VPS13B: variants seen among roughly 807,000 people sequenced by gnomAD.
VPS13B encodes the protein intermembrane lipid transfer protein VPS13B.
A neutral mutation model predicts 426.4 loss-of-function variants in VPS13B; 285 were observed. That is an observed-to-expected ratio of 0.67 (90% CI 0.61 to 0.74). VPS13B has a LOEUF of 0.74. VPS13B is among the 30% of genes least tolerant of loss of function. The pLI is 0.00. For missense variants in VPS13B, 4,537 were observed against 4,782.6 expected (o/e 0.95, Z 1.51); for synonymous variants, 1,676 against 1,676.4 (o/e 1.00, Z 0.01).
At chr8:99,751,677 A>G (rs921247089) in intron 39 of VPS13B, among the ~76,000 whole-genome samples, 1 of 152,238 alleles carries the variant, frequency 6.6e-6, no homozygotes. Flanking sequence ...TTCTATATGT[A>G]TGTAATATAT....
chr8:99,753,333 G>A (rs1055808655), intron 39 of VPS13B, among the ~76,000 whole-genome samples: 28 of 152,276 alleles, frequency 1.8e-4, no homozygotes, highest in African/African-American at 5.5e-4. Context: ...AAACTAGTTA[G>A]CAAGTAAATG....
At chr8:99,818,959 T>C in intron 47 of VPS13B, 71 bp downstream of exon 47, 2 of 115,062 alleles carry the variant, frequency 1.7e-5, no homozygotes, top group East Asian at 3.1e-4. Context: ...AACCTTGCAC[T>C]GGGGGGCGGC....
Position 99,577,475 on chromosome 8 carries a change from C to T in VPS13B, c.5077-15C>T, listed in dbSNP as rs1432835454. ...ATCATGTTTCTTTATCTGTATTCTA[C>T]CGTTTTTGCTTCAGGAGATTTTAGT... is the stretch of plus-strand genomic sequence containing the variant. On this transcript the variant is annotated splice_polypyrimidine_tract_variant and intron_variant, in intron 32 of 61. Coordinates refer to ENST00000357162, the MANE Select transcript of VPS13B (RefSeq NM_152564.5). The T allele has an allele frequency of 2.5e-6, 4 of 1,613,340 alleles. No homozygotes were observed. Among genetic ancestry groups the T allele is most frequent in the South Asian group, 1.1e-5 (1 of 91,070 alleles).
chr8:99,240,645 T>G (rs902250370), intron 17 of VPS13B, among the ~76,000 whole-genome samples: 4 of 152,244 alleles, frequency 2.6e-5, no homozygotes. Context: ...TTTTACATTT[T>G]ACGCTTAATA....
At chr8:99,225,398 T>C (rs1563613360) in intron 17 of VPS13B, among the ~76,000 whole-genome samples, 1 of 152,154 alleles carries the variant, frequency 6.6e-6, no homozygotes, top group East Asian at 1.9e-4. Context: ...TGCCTCAGCC[T>C]CCCGAGTAGC....
At chr8:99,472,154 G>T (rs1169774468) in intron 24 of VPS13B, among the ~76,000 whole-genome samples, 1 of 152,008 alleles carries the variant, frequency 6.6e-6, no homozygotes. Context: ...TAGAATCGTA[G>T]TAGGAAATTT....
intron 24 of VPS13B, among the ~76,000 whole-genome samples, chr8:99,469,169 T>A (rs1388792361): frequency 1.5e-5 from 1 of 66,394 alleles, no homozygotes; most frequent in Non-Finnish European, 2.8e-5. Flanking sequence ...CTTTCTTTCC[T>A]TTTTTTTTTT....
At chr8:99,343,338 C>T (rs1193695862) in intron 19 of VPS13B, among the ~76,000 whole-genome samples, 4 of 152,142 alleles carry the variant, frequency 2.6e-5, no homozygotes, top group African/African-American at 9.7e-5. Flanking sequence ...ATGATCCACC[C>T]ACCTCGGCCT....
chr8:99,866,863 CCTGA>C lies in VPS13B; in HGVS notation c.11216-1422_11216-1419del, dbSNP rs1299538612. Among the ~76,000 whole-genome samples, 15 of 152,308 alleles carry C rather than the reference CCTGA, an allele frequency of 9.8e-5. No individual in the cohort carries two copies. In the South Asian group the frequency reaches 1.5e-3, roughly 15 times the overall value. Reference sequence around the variant, plus strand: ...GGGGTGCTCCCAGCTGAGCGCCAGGCCTGACTGTCTGTGGTACTAAAAGAGTGAC... The same window carrying C: ...GGGGTGCTCCCAGCTGAGCGCCAGGCCTGTCTGTGGTACTAAAAGAGTGAC... On this transcript the variant is annotated intron_variant, in intron 58 of 61. Coordinates refer to ENST00000357162, the MANE Select transcript of VPS13B (RefSeq NM_152564.5).
chr8:99,720,782 A>G (rs1833100677), intron 38 of VPS13B, 81 bp from the exon 39 acceptor site: 2 of 1,364,892 alleles, frequency 1.5e-6, no homozygotes, highest in South Asian at 1.3e-5. Context: ...TTTTATTCTC[A>G]TAATTTCTTC....
At chr8:99,782,455 A>C (rs990001390) in intron 42 of VPS13B, among the ~76,000 whole-genome samples, 1 of 152,040 alleles carries the variant, frequency 6.6e-6, no homozygotes, top group Admixed American at 6.6e-5. Flanking sequence ...AATCTTATGT[A>C]AGCGTAAAAT....
chr8:99,166,774 A>G (rs1399096056), intron 15 of VPS13B, among the ~76,000 whole-genome samples: 1 of 152,210 alleles, frequency 6.6e-6, no homozygotes, highest in African/African-American at 2.4e-5. Context: ...TTGAAAAAGA[A>G]CAAAGCTGAA....
intron 24 of VPS13B, among the ~76,000 whole-genome samples, chr8:99,470,724 A>C (rs963314977): frequency 3.3e-5 from 5 of 151,892 alleles, no homozygotes; most frequent in African/African-American, 4.8e-5. Flanking sequence ...GGGATAGAAA[A>C]AAAAAAAAGA....
chr8:99,429,585 C>G (rs1378283012), intron 21 of VPS13B: 2 of 152,172 alleles, frequency 1.3e-5, no homozygotes, highest in Non-Finnish European at 2.9e-5. Context: ...TTCTTCCAGT[C>G]TCTCAGTCCT....
At chr8:99,775,038 G>A (rs1183229268) in intron 40 of VPS13B, among the ~76,000 whole-genome samples, 1 of 152,116 alleles carries the variant, frequency 6.6e-6, no homozygotes, top group African/African-American at 2.4e-5. Context: ...TCACCAGCCT[G>A]TTTCACAACC....
intron 43 of VPS13B, among the ~76,000 whole-genome samples, chr8:99,789,472 A>G (rs991800534): frequency 6.6e-6 from 1 of 152,146 alleles, no homozygotes; most frequent in Admixed American, 6.5e-5. Context: ...TGGAGTTGCT[A>G]ATGGAATTGG....
intron 54 of VPS13B, 124 bp downstream of exon 54, chr8:99,835,862 C>A: frequency 4.2e-6 from 4 of 954,046 alleles, no homozygotes; most frequent in Non-Finnish European, 6.3e-6. Context: ...TGTGAGAGAA[C>A]ATGTGTATCC....
intron 24 of VPS13B, among the ~76,000 whole-genome samples, chr8:99,476,692 A>C (rs527920950): frequency 6.6e-6 from 1 of 152,320 alleles, no homozygotes; most frequent in Admixed American, 6.5e-5. Flanking sequence ...AATAAAAAAT[A>C]AAACGTTGCA....
chr8:99,676,535 C>T (rs755803304), intron 35 of VPS13B, among the ~76,000 whole-genome samples: 2 of 151,726 alleles, frequency 1.3e-5, no homozygotes, highest in South Asian at 4.2e-4. Flanking sequence ...TTCTAGTTCC[C>T]CCAAGCAGAC....
Sources: gnomAD v4.1 joint callset for allele counts (sites outside exome capture counted in the v4.1 genomes callset) on GRCh38, gnomAD v4.1.1 for gene constraint, MANE v1.5 for transcripts, NCBI Gene and HGNC (gene_info 2026-07-23, HGNC 2026-07-21) for gene names.